The following OVCH1 variants were observed in gnomAD, a reference collection of about 807,000 sequenced individuals.
OVCH1 encodes ovochymase-1.
A neutral mutation model predicts 138.4 loss-of-function variants in OVCH1; 139 were observed. The ratio of observed to expected loss-of-function variants is 1.00; its 90% confidence interval spans 0.87 to 1.16. The LOEUF (loss-of-function observed/expected upper bound fraction) is 1.16, where lower values mean the gene tolerates loss of function less well. OVCH1 is among the 50% of genes most tolerant of loss of function. The pLI is 0.00. For synonymous variants in OVCH1, 453 were observed against 467.8 expected (o/e 0.97, Z 0.41); for missense variants, 1,367 against 1,357.9 (o/e 1.01, Z -0.11).
chr12:29,454,304 C>T (rs1337223733), intron 21 of OVCH1, among the ~76,000 whole-genome samples: 2 of 152,076 alleles, frequency 1.3e-5, no homozygotes, highest in African/African-American at 2.4e-5. Context: ...ATGTGGGCAA[C>T]AAAAGAAAGA....
intron 19 of OVCH1, 175 bp downstream of exon 19, chr12:29,461,679 G>T: frequency 2.4e-6 from 2 of 845,420 alleles, no homozygotes; most frequent in Non-Finnish European, 3.8e-6. Flanking sequence ...TGACATCTCA[G>T]CAAATTCGGA....
intron 19 of OVCH1, among the ~76,000 whole-genome samples, chr12:29,457,444 C>T (rs1941989002): frequency 7.9e-6 from 1 of 126,164 alleles, no homozygotes; most frequent in South Asian, 2.6e-4. Flanking sequence ...TGCTCTGTCT[C>T]CCAGGCTGGA....
At chr12:29,433,695 C>T (rs1358491410) in intron 27 of OVCH1, 2 of 1,380,248 alleles carry the variant, frequency 1.4e-6, no homozygotes, top group Non-Finnish European at 1.9e-6. Context: ...GAATAATTCT[C>T]GGTTTAAATG....
chr12:29,410,705 T>C (rs1034966872), downstream of OVCH1, among the ~76,000 whole-genome samples: 3 of 151,914 alleles, frequency 2.0e-5, no homozygotes, highest in Non-Finnish European at 4.4e-5. Context: ...GGCTTCCCTT[T>C]GTGGGTAACC....
chr12:29,470,145 T>C lies in OVCH1; in HGVS notation c.1856+1657A>G, dbSNP rs115463938. Among the ~76,000 whole-genome samples the C allele has an allele frequency of 6.5e-3, 986 of 152,276 alleles. 6 individuals carry two copies. Among genetic ancestry groups the C allele is most frequent in the African/African-American group, 0.023 (942 of 41,560 alleles). On this transcript the variant is annotated intron_variant, in intron 16 of 27. Transcript: ENST00000318184. The stretch of plus-strand genomic sequence containing the variant: ...AATGATATACTGCTTTAGGGATACA[T>C]ATATGTTAAAATCCCCCAAAAGCAA...
At chr12:29,412,043 T>C (rs1940965993), downstream of OVCH1, among the ~76,000 whole-genome samples, 1 of 152,090 alleles carries the variant, frequency 6.6e-6, no homozygotes, top group Non-Finnish European at 1.5e-5. Flanking sequence ...TCTGCCGCCT[T>C]GCTGTTTGAT....
intron 22 of OVCH1, 86 bp from the exon 23 acceptor site, chr12:29,445,489 C>T (rs1941588826): frequency 1.5e-6 from 2 of 1,306,500 alleles, no homozygotes; most frequent in Admixed American, 4.8e-5. Context: ...ATTAATTTAA[C>T]CCACGAGGTA....
At chr12:29,411,003 T>C (rs1398744807), downstream of OVCH1, among the ~76,000 whole-genome samples, 14 of 151,412 alleles carry the variant, frequency 9.2e-5, no homozygotes, top group Non-Finnish European at 5.9e-5. Flanking sequence ...GGAGGCTTAG[T>C]TTTTTTTATT....
At chr12:29,420,333 C>A (rs1941084935) in intron 3 of OVCH1, among the ~76,000 whole-genome samples, 2 of 151,960 alleles carry the variant, frequency 1.3e-5, no homozygotes, top group African/African-American at 4.8e-5. Context: ...GGAAGGAGAC[C>A]CACCGTTTAG....
At chr12:29,458,726 G>T (rs1202327546) in intron 19 of OVCH1, among the ~76,000 whole-genome samples, 2 of 152,104 alleles carry the variant, frequency 1.3e-5, no homozygotes, top group Non-Finnish European at 2.9e-5. Context: ...AAAAATTTCT[G>T]CAAACTACCC....
intron 23 of OVCH1, 88 bp from the exon 24 acceptor site, chr12:29,444,368 C>T: frequency 7.5e-7 from 1 of 1,328,920 alleles, no homozygotes; most frequent in Middle Eastern, 2.2e-4. Context: ...GTAAACAGCT[C>T]TCTTCCCTAA....
At chr12:29,477,260 T>C in intron 11 of OVCH1, 28 bp from the exon 12 acceptor site, 4 of 1,613,090 alleles carry the variant, frequency 2.5e-6, no homozygotes, top group Non-Finnish European at 3.4e-6. Context: ...AAATTCAAAG[T>C]GAATGGCCAA....
At chr12:29,431,598 A>G (rs1196763754) in intron 27 of OVCH1, among the ~76,000 whole-genome samples, 1 of 152,122 alleles carries the variant, frequency 6.6e-6, no homozygotes, top group South Asian at 2.1e-4. Context: ...CCATTTTTCC[A>G]TGCTACTAAC....
At chr12:29,461,033 A>T (rs1942113776) in intron 19 of OVCH1, among the ~76,000 whole-genome samples, 1 of 152,102 alleles carries the variant, frequency 6.6e-6, no homozygotes, top group Non-Finnish European at 1.5e-5. Flanking sequence ...TGTCTCCCTC[A>T]TGGAGGTGAA....
At chr12:29,476,396 T>C in intron 12 of OVCH1, 97 bp from the exon 13 acceptor site, 3 of 945,736 alleles carry the variant, frequency 3.2e-6, no homozygotes, top group Non-Finnish European at 5.1e-6. Flanking sequence ...CTTTGTCACA[T>C]CCTCATATGC....
At chr12:29,426,360 T>C (rs1468162854), downstream of OVCH1, among the ~76,000 whole-genome samples, 6 of 152,174 alleles carry the variant, frequency 3.9e-5, no homozygotes, top group East Asian at 1.2e-3. Flanking sequence ...AAATGATAGA[T>C]AATATTAGAA....
intron 23 of OVCH1, among the ~76,000 whole-genome samples, chr12:29,444,842 T>G (rs1236668414): frequency 6.6e-6 from 1 of 152,076 alleles, no homozygotes; most frequent in East Asian, 1.9e-4. Context: ...TTTGTGTAGT[T>G]TGTTTTCAAA....
chr12:29,457,387 ATTTTTTTTTTTTTTTT>A (rs57856732), intron 19 of OVCH1, among the ~76,000 whole-genome samples: 3 of 68,818 alleles, frequency 4.4e-5, no homozygotes, highest in Non-Finnish European at 4.9e-5. Context: ...AAACAAATGA[ATTTTTTTTTTTTTTTT>A]TTTTTTTTTT....
intron 3 of OVCH1, among the ~76,000 whole-genome samples, chr12:29,418,559 G>A (rs2135881764): frequency 6.6e-6 from 1 of 152,286 alleles, no homozygotes; most frequent in Non-Finnish European, 1.5e-5. Context: ...AAGATATTAA[G>A]CTGTATGGCA....
Sources: gnomAD v4.1 joint callset for allele counts (sites outside exome capture counted in the v4.1 genomes callset) on GRCh38, gnomAD v4.1.1 for gene constraint, MANE v1.5 for transcripts, NCBI Gene and HGNC (gene_info 2026-07-23, HGNC 2026-07-21) for gene names.